MAGI2: variants seen among roughly 807,000 people sequenced by gnomAD.
The protein encoded by MAGI2 is membrane-associated guanylate kinase, WW and PDZ domain-containing protein 2.
Under a neutral mutation model 133.3 loss-of-function variants are expected in MAGI2, and 35 were observed. The observed-to-expected ratio is 0.26, with a 90% CI of 0.20 to 0.35. MAGI2 has a LOEUF of 0.35. Ranked by LOEUF, MAGI2 falls within the 10% of genes least tolerant of loss-of-function variation. The probability of loss-of-function intolerance (pLI) is 1.00; values close to 1 mark genes in which losing one functional copy is unlikely to be tolerated. For missense variants in MAGI2, 1,636 were observed against 1,863.4 expected, an observed-to-expected ratio of 0.88 and a Z score of 2.25; for synonymous variants, 729 against 710.6, an observed-to-expected ratio of 1.03 and a Z score of -0.41.
intron 11 of MAGI2, among the ~76,000 whole-genome samples, chr7:78,198,440 T>G (rs1228602094): frequency 2.7e-5 from 4 of 149,624 alleles, no homozygotes; most frequent in Non-Finnish European, 5.9e-5. Flanking sequence ...TTTTTTTTTT[T>G]TTTTTTTTCG....
chr7:79,174,684 A>T (rs1277450654), intron 1 of MAGI2, among the ~76,000 whole-genome samples: 2 of 151,664 alleles, frequency 1.3e-5, no homozygotes, highest in Non-Finnish European at 2.9e-5. Flanking sequence ...TTAATAAAAA[A>T]ATTTAAATTT....
At chr7:78,328,502 A>AACACACACATACACACACACAC (rs1788814601) in intron 9 of MAGI2, among the ~76,000 whole-genome samples, 1 of 105,098 alleles carries the variant, frequency 9.5e-6, no homozygotes, top group African/African-American at 4.0e-5. Context: ...CCAGCTCTAA[A>AACACACACATACACACACACAC]ACACACACAC....
intron 14 of MAGI2, among the ~76,000 whole-genome samples, chr7:78,168,781 T>G (rs1331232181): frequency 6.6e-6 from 1 of 152,234 alleles, no homozygotes; most frequent in Non-Finnish European, 1.5e-5. Context: ...TGTTGCACAT[T>G]TTTAAATTCT....
intron 1 of MAGI2, among the ~76,000 whole-genome samples, chr7:79,172,354 C>G (rs1189097339): frequency 6.6e-6 from 1 of 151,932 alleles, no homozygotes; most frequent in African/African-American, 2.4e-5. Context: ...CCTTTGAACC[C>G]TCAATCAAGG....
intron 1 of MAGI2, among the ~76,000 whole-genome samples, chr7:79,231,656 T>A (rs1177298781): frequency 7.8e-6 from 1 of 129,018 alleles, no homozygotes; most frequent in East Asian, 2.1e-4. Flanking sequence ...ATCCTGAGAC[T>A]TTGCTGAAGT....
At chr7:78,967,432 G>T (rs1803417061) in intron 2 of MAGI2, among the ~76,000 whole-genome samples, 1 of 151,826 alleles carries the variant, frequency 6.6e-6, no homozygotes, top group South Asian at 2.1e-4. Context: ...GTTCCCTTTG[G>T]TGTGATTTTT....
At chr7:78,795,113 G>A (rs1787497491) in intron 2 of MAGI2, among the ~76,000 whole-genome samples, 2 of 151,688 alleles carry the variant, frequency 1.3e-5, no homozygotes, top group Admixed American at 1.3e-4. Context: ...AATTGGAAAG[G>A]GAGATTTCAA....
intron 1 of MAGI2, among the ~76,000 whole-genome samples, chr7:79,192,923 C>T (rs1334629932): frequency 6.6e-6 from 1 of 151,822 alleles, no homozygotes; most frequent in Non-Finnish European, 1.5e-5. Context: ...AATTAGGAAG[C>T]TCTTATAGTA....
At chr7:78,330,854 T>C (rs1317898060) in intron 9 of MAGI2, among the ~76,000 whole-genome samples, 1 of 152,108 alleles carries the variant, frequency 6.6e-6, no homozygotes, top group Non-Finnish European at 1.5e-5. Context: ...GCATCTTTCA[T>C]AAAAAGCAGA....
At chr7:78,686,518 C>T (rs1202532805) in intron 2 of MAGI2, among the ~76,000 whole-genome samples, 3 of 149,824 alleles carry the variant, frequency 2.0e-5, no homozygotes, top group African/African-American at 7.4e-5. Context: ...GGCTTCTCCC[C>T]ATCCCAAGTT....
At chr7:79,055,554 A>G (rs1240017443) in intron 1 of MAGI2, among the ~76,000 whole-genome samples, 2 of 150,392 alleles carry the variant, frequency 1.3e-5, no homozygotes, top group Non-Finnish European at 3.0e-5. Flanking sequence ...TATAGAACAC[A>G]CTTTTTTTTT....
chr7:79,292,770 C>CAAACAAAAAAA (rs1836599854), intron 1 of MAGI2, among the ~76,000 whole-genome samples: 1 of 57,396 alleles, frequency 1.7e-5, no homozygotes, highest in East Asian at 4.0e-4. Context: ...TCAATTTCTG[C>CAAACAAAAAAA]AAAAAAAAAA....
rs143208789 is a variant in MAGI2 at position 79,195,581 on chromosome 7, C to A, written c.302-188375G>T. 3.3e-5 allele frequency among the ~76,000 whole-genome samples: 5 copies of A among 152,030 alleles called. No homozygotes were observed. In the East Asian group the frequency reaches 9.7e-4, roughly 29 times the overall value. On this transcript the variant is annotated intron_variant, in intron 1 of 21. Transcript: ENST00000354212. ...CCAACTCAAACTTCAATGAAACCAG[C>A]CACTCTTCTCCCTCTCCCATCTCCT... is the stretch of plus-strand genomic sequence containing the variant.
chr7:78,667,123 C>G (rs761464123), intron 2 of MAGI2, among the ~76,000 whole-genome samples: 4 of 151,864 alleles, frequency 2.6e-5, no homozygotes, highest in Non-Finnish European at 5.9e-5. Context: ...CTCATTTTCC[C>G]CCAATAGTAA....
At chr7:79,365,867 C>CAAAAAAAAAAAAAAAAAAAAAAAAAAA (rs71095399) in intron 1 of MAGI2, among the ~76,000 whole-genome samples, 1 of 48,860 alleles carries the variant, frequency 2.0e-5, no homozygotes, top group African/African-American at 7.5e-5. Context: ...ACTCTTGTCT[C>CAAAAAAAAAAAAAAAAAAAAAAAAAAA]AAAAAAAAAA....
intron 16 of MAGI2, among the ~76,000 whole-genome samples, chr7:78,139,356 G>A (rs961458608): frequency 6.6e-6 from 1 of 152,140 alleles, no homozygotes; most frequent in Non-Finnish European, 1.5e-5. Context: ...ACTGAATGTT[G>A]ATGTACAACA....
chr7:78,904,580 G>A (rs180749318), intron 2 of MAGI2, among the ~76,000 whole-genome samples: 6 of 145,564 alleles, frequency 4.1e-5, no homozygotes, highest in African/African-American at 1.6e-4. Flanking sequence ...CTGGAGCACA[G>A]TGGCACCTTC....
At chr7:78,507,599 G>A (rs1475144183) in intron 4 of MAGI2, among the ~76,000 whole-genome samples, 3 of 152,138 alleles carry the variant, frequency 2.0e-5, no homozygotes, top group African/African-American at 4.8e-5. Flanking sequence ...CCAACTCTGA[G>A]CAACTATATA....
intron 2 of MAGI2, among the ~76,000 whole-genome samples, chr7:78,777,433 C>A (rs887217077): frequency 6.6e-6 from 1 of 152,112 alleles, no homozygotes; most frequent in Non-Finnish European, 1.5e-5. Context: ...TACACCATCA[C>A]CATCATCACC....
Sources: allele counts gnomAD v4.1 joint callset (sites outside exome capture counted in the v4.1 genomes callset), GRCh38; gene constraint gnomAD v4.1.1; transcripts MANE v1.5; gene names NCBI Gene and HGNC (gene_info 2026-07-23, HGNC 2026-07-21).